The following ERCC6 variants were observed in gnomAD, a reference collection of about 807,000 sequenced individuals.
The protein encoded by ERCC6 is ERCC excision repair 6, chromatin remodeling factor.
A neutral mutation model predicts 158.7 loss-of-function variants in ERCC6; 116 were observed. The observed-to-expected ratio is 0.73, with a 90% CI of 0.63 to 0.85. The LOEUF is 0.85. Among genes scored for constraint, ERCC6 ranks in the 40% least tolerant of loss-of-function variants. The probability of loss-of-function intolerance (pLI) is 0.00; values close to 1 mark genes in which losing one functional copy is unlikely to be tolerated. For synonymous variants in ERCC6, 678 were observed against 659.3 expected (o/e 1.03, Z -0.43); for missense variants, 1,698 against 1,799.4 (o/e 0.94, Z 1.02).
chr10:49,507,585 T>C (rs1851465512), intron 5 of ERCC6, among the ~76,000 whole-genome samples: 1 of 152,226 alleles, frequency 6.6e-6, no homozygotes, highest in African/African-American at 2.4e-5. Context: ...AAAAGTCTTC[T>C]GGGTTTCATG....
chr10:49,496,670 T>C (rs1851272568), intron 7 of ERCC6, among the ~76,000 whole-genome samples: 2 of 152,080 alleles, frequency 1.3e-5, no homozygotes, highest in Admixed American at 1.3e-4. Flanking sequence ...TAGCCGGGTA[T>C]GGTGGTGAGT....
At chr10:49,446,407 A>G in the ERCC6 span, among the ~76,000 whole-genome samples, 1 of 152,244 alleles carries the variant, frequency 6.6e-6, no homozygotes, top group East Asian at 1.9e-4. Flanking sequence ...ATAAGAAAAA[A>G]GCATTGTAAG....
chr10:49,492,015 A>G (rs1427058726), intron 8 of ERCC6, among the ~76,000 whole-genome samples: 1 of 152,214 alleles, frequency 6.6e-6, no homozygotes, highest in Non-Finnish European at 1.5e-5. Context: ...ATTTACCCTA[A>G]TTTATTAATT....
Position 49,474,345 on chromosome 10 carries a change from T to C in ERCC6, c.2383-103A>G, listed in dbSNP as rs1371030116. ...CCTATAACACAGACTAAAAAACAGTTCTCCACCAGCTTCTTAGTTTCTTCT... is the reference window on the plus strand; with the variant it reads ...CCTATAACACAGACTAAAAAACAGTCCTCCACCAGCTTCTTAGTTTCTTCT... On this transcript the variant is annotated intron_variant, in intron 12 of 20. Coordinates refer to ENST00000355832, the MANE Select transcript of ERCC6 (RefSeq NM_000124.4). 7.1e-6 allele frequency: 6 copies of C among 846,464 alleles called. No homozygotes were observed. The Admixed American group carries it at 1.1e-4, about 16-fold the overall frequency. 52.4% of individuals were successfully genotyped at this position (846,464 alleles called of 1,614,324 possible). A position where few individuals can be genotyped will look rare whatever the true frequency, so the allele number is the denominator to read the frequency against.
Position 49,455,881 on chromosome 10 carries a change from A to G in ERCC6, c.*2934T>C, listed in dbSNP as rs1850476190. ...AAAACAACCTATCGATATTGATACC[A>G]CTTACTGTTGGCAAGGGTTTGGAGA... On this transcript the variant is annotated 3_prime_UTR_variant, in exon 21 of 21. Coordinates refer to ENST00000355832, the MANE Select transcript of ERCC6 (RefSeq NM_000124.4). The G allele has an allele frequency of 6.6e-6, 1 of 152,212 alleles. No homozygotes were observed. The highest frequency in any genetic ancestry group is 2.4e-5 in the African/African-American group (1 of 41,456). 9.4% of individuals were successfully genotyped at this position (152,212 alleles called of 1,614,324 possible).
At chr10:49,450,740 C>A (rs140782522), downstream of ERCC6, among the ~76,000 whole-genome samples, 1 of 151,950 alleles carries the variant, frequency 6.6e-6, no homozygotes, top group Non-Finnish European at 1.5e-5. Context: ...TTATTAAGCA[C>A]CTTATTCTTT....
At chr10:49,435,523 G>A in the ERCC6 span, among the ~76,000 whole-genome samples, 1 of 152,120 alleles carries the variant, frequency 6.6e-6, no homozygotes, top group East Asian at 1.9e-4. Context: ...CAGAAAGACA[G>A]TCAACCCTGC....
chr10:49,471,924 G>A (rs1277847434), intron 16 of ERCC6, among the ~76,000 whole-genome samples: 4 of 152,342 alleles, frequency 2.6e-5, no homozygotes, highest in Middle Eastern at 3.4e-3. Context: ...GACAGAGGAC[G>A]AAACAGCCAT....
At chr10:49,469,359 C>T (rs1850731923) in intron 18 of ERCC6, among the ~76,000 whole-genome samples, 2 of 152,054 alleles carry the variant, frequency 1.3e-5, no homozygotes, top group South Asian at 4.1e-4. Flanking sequence ...GGTATCACCT[C>T]TGTGGCATTC....
At chr10:49,454,009 G>C (rs1279429247), downstream of ERCC6, among the ~76,000 whole-genome samples, 2 of 152,144 alleles carry the variant, frequency 1.3e-5, no homozygotes, top group Non-Finnish European at 2.9e-5. Flanking sequence ...TCAATTTGGA[G>C]AGTTTTCAGT....
At position 49,458,918 on chromosome 10, in the gene ERCC6, G is replaced by A; in HGVS notation, c.4379C>T (p.Ala1460Val). ...TTCTCGGAAGACACAAGACTGTGAT[G>A]CAGATAACTTGGATTCAAACTCCTG... Reference protein sequence around the residue: ...ILQEFESKLSASQSCVFRELL... With the variant: ...ILQEFESKLSVSQSCVFRELL... The change falls in exon 21 of 21, where the codon GCA (alanine) becomes GTA (valine). Residue 1460 changes from alanine (A) to valine (V), a missense_variant. Coordinates refer to ENST00000355832, the MANE Select transcript of ERCC6 (RefSeq NM_000124.4). 2 of 1,614,164 alleles carry A rather than the reference G, an allele frequency of 1.2e-6. No individual in the cohort carries two copies. The highest frequency in any genetic ancestry group is 1.7e-6 in the Non-Finnish European group (2 of 1,180,032).
Position 49,460,435 on chromosome 10 carries a change from T to A in ERCC6, c.4000A>T (p.Lys1334Ter). The change falls in exon 20 of 21, where the codon AAA becomes TAA. Residue 1334 changes from lysine (K) to a stop codon, truncating the protein, a stop_gained. Transcript: ENST00000355832. LOFTEE classifies it high-confidence loss of function. ...PAGKKSRFGKKRNSNFSVQHP... is the reference protein window; with the variant it reads ...PAGKKSRFGK ...TGCACAGAGAAGTTAGAATTCCTTT[T>A]CTTACCAAATCTACTCCTAAAAAAG... 1 of 1,612,612 alleles carries A rather than the reference T, an allele frequency of 6.2e-7. No homozygotes were observed. Among genetic ancestry groups the A allele is most frequent in the East Asian group, 2.2e-5 (1 of 44,878 alleles).
At chr10:49,530,588 C>T (rs1837446221) in intron 3 of ERCC6, 132 bp downstream of exon 3, 1 of 1,433,382 alleles carries the variant, frequency 7.0e-7, no homozygotes, top group Non-Finnish European at 9.3e-7. Context: ...AAAAGAAACC[C>T]AAAATTTCTC....
chr10:49,449,750 C>A (rs1488868642), downstream of ERCC6, among the ~76,000 whole-genome samples: 5 of 151,796 alleles, frequency 3.3e-5, no homozygotes, highest in Admixed American at 6.6e-5. Flanking sequence ...CAGGGTTTCA[C>A]CATATTGACC....
chr10:49,508,535 T>C (rs556359782), intron 5 of ERCC6, among the ~76,000 whole-genome samples: 1 of 152,314 alleles, frequency 6.6e-6, no homozygotes, highest in East Asian at 1.9e-4. Flanking sequence ...GCCAAACATT[T>C]ATTCAGTTTG....
At chr10:49,461,231 C>G in intron 19 of ERCC6, 121 bp downstream of exon 19, 1 of 1,062,326 alleles carries the variant, frequency 9.4e-7, no homozygotes, top group Non-Finnish European at 1.4e-6. Context: ...TGCTATAATC[C>G]CTCCCTGGGG....
intron 18 of ERCC6, among the ~76,000 whole-genome samples, chr10:49,467,038 C>G (rs1386362387): frequency 6.6e-6 from 1 of 152,192 alleles, no homozygotes; most frequent in Non-Finnish European, 1.5e-5. Flanking sequence ...ACCTCGGCCT[C>G]CCAAAGTGCT....
rs921444692 is a variant in ERCC6, at chr10:49,478,452, A to T, written c.2188T>A (p.Cys730Ser). 1.2e-6 allele frequency: 2 copies of T among 1,612,172 alleles called. No homozygotes were observed. Among genetic ancestry groups the T allele is most frequent in the Non-Finnish European group, 1.7e-6 (2 of 1,178,464 alleles). Reference protein sequence around the residue: ...SPVQVKTAYKCACVLRDTINP... With the variant: ...SPVQVKTAYKSACVLRDTINP... Reference sequence around the variant, plus strand: ...ATGGTATCTCGTAAGACACATGCACACTTGTAAGCAGTTTTGACCTTTAAT... The same window carrying T: ...ATGGTATCTCGTAAGACACATGCACTCTTGTAAGCAGTTTTGACCTTTAAT... The change falls in exon 11 of 21, where the codon TGT becomes AGT. Residue 730 changes from cysteine (C) to serine (S), a missense_variant. Cys to Ser is a moderately radical substitution (Grantham distance 112). Transcript: ENST00000355832.
chr10:49,497,329 C>A (rs990480601), intron 7 of ERCC6, among the ~76,000 whole-genome samples: 22 of 152,194 alleles, frequency 1.4e-4, no homozygotes, highest in African/African-American at 5.1e-4. Context: ...AGGAAACAAC[C>A]AATCAAAAGC....
Sources: allele counts gnomAD v4.1 joint callset (sites outside exome capture counted in the v4.1 genomes callset), GRCh38; gene constraint gnomAD v4.1.1; transcripts MANE v1.5; gene names NCBI Gene and HGNC (gene_info 2026-07-23, HGNC 2026-07-21).